Variants in TNFRSF19 observed in about 807,000 individuals in gnomAD.
TNFRSF19 encodes TNF receptor superfamily member 19.
In TNFRSF19, 27 loss-of-function variants were observed where a neutral mutation model predicts 46.4. That is an observed-to-expected ratio of 0.58 (90% CI 0.43 to 0.80). The LOEUF (loss-of-function observed/expected upper bound fraction) is 0.80. TNFRSF19 is among the 30% of genes least tolerant of loss of function. The pLI, the probability that TNFRSF19 is intolerant of heterozygous loss-of-function variation, is 0.00. For missense variants in TNFRSF19, 511 were observed against 530.8 expected (o/e 0.96, Z 0.37); for synonymous variants, 204 against 205.0 (o/e 1.00, Z 0.04).
chr13:23,589,685 T>C (rs1879112488), intron 1 of TNFRSF19, among the ~76,000 whole-genome samples: 1 of 152,230 alleles, frequency 6.6e-6, no homozygotes, highest in Non-Finnish European at 1.5e-5. Context: ...ATCTACCTTC[T>C]AGAGTAGTTG....
At chr13:23,671,686 C>T (rs373711475) in intron 9 of TNFRSF19, among the ~76,000 whole-genome samples, 5 of 152,146 alleles carry the variant, frequency 3.3e-5, no homozygotes, top group East Asian at 1.9e-4. Flanking sequence ...CCCACATTTC[C>T]CCCAACAGGC....
chr13:23,618,465 CT>C (rs1451447170), intron 4 of TNFRSF19, among the ~76,000 whole-genome samples: 1 of 152,150 alleles, frequency 6.6e-6, no homozygotes, highest in Non-Finnish European at 1.5e-5. Context: ...ACTAAGATAG[CT>C]ATAGCCAACA....
chr13:23,595,917 A>G (rs1225010965), intron 3 of TNFRSF19, among the ~76,000 whole-genome samples: 1 of 152,254 alleles, frequency 6.6e-6, no homozygotes, highest in Non-Finnish European at 1.5e-5. Context: ...ATCTCTCTGC[A>G]GAAACCCTAC....
intron 1 of TNFRSF19, among the ~76,000 whole-genome samples, chr13:23,573,619 G>A (rs1877766181): frequency 6.6e-6 from 1 of 152,066 alleles, no homozygotes; most frequent in Admixed American, 6.6e-5. Flanking sequence ...TTTTCCTCCA[G>A]GGAAATTCCC....
chr13:23,666,159 G>A (rs1406917327), intron 7 of TNFRSF19, among the ~76,000 whole-genome samples: 4 of 152,148 alleles, frequency 2.6e-5, no homozygotes, highest in Admixed American at 2.0e-4. Context: ...TCGTTAAGGG[G>A]GTGTCTGCCA....
chr13:23,647,609 G>C (rs1341975973), intron 5 of TNFRSF19, among the ~76,000 whole-genome samples: 1 of 152,022 alleles, frequency 6.6e-6, no homozygotes, highest in African/African-American at 2.4e-5. Context: ...ATGTTGCCCA[G>C]GCTAGTCTCT....
At chr13:23,577,988 A>G (rs1878080120) in intron 1 of TNFRSF19, among the ~76,000 whole-genome samples, 1 of 152,082 alleles carries the variant, frequency 6.6e-6, no homozygotes, top group East Asian at 1.9e-4. Context: ...ACCAAGACAA[A>G]GAGAGGACGA....
chr13:23,645,926 A>G (rs1883302500), intron 5 of TNFRSF19, among the ~76,000 whole-genome samples: 1 of 152,158 alleles, frequency 6.6e-6, no homozygotes, highest in Non-Finnish European at 1.5e-5. Context: ...CACCATCTCC[A>G]TAAATTAATA....
intron 1 of TNFRSF19, among the ~76,000 whole-genome samples, chr13:23,576,322 G>A (rs1048966553): frequency 4.6e-5 from 7 of 151,988 alleles, no homozygotes; most frequent in Middle Eastern, 3.2e-3. Flanking sequence ...TTACAGAGAC[G>A]AGGTTTCGCC....
chr13:23,578,892 G>A (rs909099622), intron 1 of TNFRSF19, among the ~76,000 whole-genome samples: 3 of 152,238 alleles, frequency 2.0e-5, no homozygotes, highest in Admixed American at 2.0e-4. Flanking sequence ...TCCCCGGGAG[G>A]CGTCCGTGGG....
chr13:23,647,329 T>C (rs1347531088), intron 5 of TNFRSF19, among the ~76,000 whole-genome samples: 1 of 152,206 alleles, frequency 6.6e-6, no homozygotes. Flanking sequence ...TCTGTGCTTT[T>C]GTTGTATATT....
intron 1 of TNFRSF19, among the ~76,000 whole-genome samples, chr13:23,584,265 C>A (rs749740395): frequency 2.6e-5 from 4 of 152,050 alleles, no homozygotes; most frequent in Non-Finnish European, 5.9e-5. Context: ...TCCATTGTAT[C>A]ATTTTTATGC....
intron 1 of TNFRSF19, among the ~76,000 whole-genome samples, chr13:23,574,230 A>C (rs1163725820): frequency 6.6e-6 from 1 of 152,112 alleles, no homozygotes; most frequent in Non-Finnish European, 1.5e-5. Flanking sequence ...ATTATTACTA[A>C]CATGACCTAA....
intron 5 of TNFRSF19, among the ~76,000 whole-genome samples, chr13:23,644,810 A>G (rs1883235279): frequency 9.0e-6 from 1 of 111,716 alleles, no homozygotes; most frequent in Non-Finnish European, 1.8e-5. Context: ...GCTGGTGAGC[A>G]GAGATATCAA....
At chr13:23,607,116 C>CT (rs35650179) in intron 3 of TNFRSF19, among the ~76,000 whole-genome samples, 39,725 of 151,912 alleles carry the variant, frequency 0.26, 5,987 homozygotes, top group African/African-American at 0.41. Context: ...TATAAATAAT[C>CT]TTTTTTAAAG....
At chr13:23,666,358 G>A (rs749790587) in intron 7 of TNFRSF19, among the ~76,000 whole-genome samples, 2 of 152,136 alleles carry the variant, frequency 1.3e-5, no homozygotes, top group East Asian at 1.9e-4. Context: ...TTCTAATTCC[G>A]TTATTCTTTC....
intron 5 of TNFRSF19, among the ~76,000 whole-genome samples, chr13:23,642,487 T>C (rs566273464): frequency 6.6e-6 from 1 of 152,302 alleles, no homozygotes; most frequent in South Asian, 2.1e-4. Flanking sequence ...GTTTTACCAA[T>C]AAGGAAACTG....
At chr13:23,651,876 G>GAAAAAA (rs1883665563) in intron 5 of TNFRSF19, among the ~76,000 whole-genome samples, 2 of 19,284 alleles carry the variant, frequency 1.0e-4, no homozygotes, top group African/African-American at 1.6e-4. Context: ...TAAATGGTTG[G>GAAAAAA]AAAGAACATA....
Position 23,579,944 on chromosome 13 carries a change from G to A in TNFRSF19, c.-35+9096G>A, listed in dbSNP as rs1355498251. ...CCCTGAGCCAGCGCGCGGCTGCAGGGGTCTCGGGGCCGCATCCCGGACCAG... is the reference window on the plus strand; with the variant it reads ...CCCTGAGCCAGCGCGCGGCTGCAGGAGTCTCGGGGCCGCATCCCGGACCAG... On this transcript the variant is annotated intron_variant, in intron 1 of 9. Transcript: ENST00000248484. Among the ~76,000 whole-genome samples, 3 of 152,228 alleles carry A rather than the reference G, an allele frequency of 2.0e-5. No individual in the cohort carries two copies. In the East Asian group the frequency reaches 5.8e-4, roughly 29 times the overall value.
Sources: gnomAD v4.1 joint callset for allele counts (sites outside exome capture counted in the v4.1 genomes callset) on GRCh38, gnomAD v4.1.1 for gene constraint, MANE v1.5 for transcripts, NCBI Gene and HGNC (gene_info 2026-07-23, HGNC 2026-07-21) for gene names.